The following MC2R variants were observed in gnomAD, a reference collection of about 807,000 sequenced individuals.
MC2R encodes the protein adrenocorticotropic hormone receptor.
In MC2R, 9 loss-of-function variants were observed where a neutral mutation model predicts 9.8. The observed-to-expected ratio is 0.92, with a 90% CI of 0.55 to 1.60. MC2R has a LOEUF of 1.60. Ranked by LOEUF, MC2R falls within the 40% of genes most tolerant of loss-of-function variation. The probability of loss-of-function intolerance (pLI) is 0.00; values close to 1 mark genes in which losing one functional copy is unlikely to be tolerated. For missense variants in MC2R, 370 were observed against 389.0 expected (o/e 0.95, Z 0.41); for synonymous variants, 185 against 154.7 (o/e 1.20, Z -1.45).
At chr18:13,911,273 C>A (rs1346117082) in intron 1 of MC2R, among the ~76,000 whole-genome samples, 1 of 152,160 alleles carries the variant, frequency 6.6e-6, no homozygotes, top group East Asian at 1.9e-4. Context: ...CCTGGAGCTC[C>A]CTTTTTATTA....
chr18:13,895,245 A>G (rs1336641272), intron 1 of MC2R, among the ~76,000 whole-genome samples: 1 of 152,252 alleles, frequency 6.6e-6, no homozygotes, highest in Non-Finnish European at 1.5e-5. Context: ...TAATTTCATC[A>G]TATATCAGAG....
At chr18:13,910,073 C>T (rs375116694) in intron 1 of MC2R, among the ~76,000 whole-genome samples, 13 of 152,258 alleles carry the variant, frequency 8.5e-5, no homozygotes, top group African/African-American at 3.1e-4. Context: ...GGTCTATGAT[C>T]ATTTGGCGTT....
chr18:13,906,857 G>A (rs989427211), intron 1 of MC2R, among the ~76,000 whole-genome samples: 1 of 152,104 alleles, frequency 6.6e-6, no homozygotes, highest in Middle Eastern at 3.2e-3. Context: ...ATAAAACACT[G>A]ATGAAAGAAG....
chr18:13,912,170 A>G lies in MC2R; in HGVS notation c.-129+3318T>C, dbSNP rs574578318. Among the ~76,000 whole-genome samples, 3 of 152,260 alleles carry G rather than the reference A, an allele frequency of 2.0e-5. No individual in the cohort carries two copies. In the East Asian group the frequency reaches 5.8e-4, roughly 29 times the overall value. On this transcript the variant is annotated intron_variant, in intron 1 of 1. Coordinates refer to ENST00000327606, the MANE Select transcript of MC2R (RefSeq NM_000529.2). ...CTTACAATTCTGCACTTTAAGGGCA[A>G]TTTGATTTTGCCATGGTTTCTCTTG...
chr18:13,896,074 C>T (rs941113604), intron 1 of MC2R, among the ~76,000 whole-genome samples: 2 of 152,114 alleles, frequency 1.3e-5, no homozygotes, highest in Non-Finnish European at 2.9e-5. Context: ...TGGAGCAACT[C>T]ATATTGGTTA....
chr18:13,904,846 T>C (rs1293823687), intron 1 of MC2R, among the ~76,000 whole-genome samples: 2 of 152,130 alleles, frequency 1.3e-5, no homozygotes, highest in East Asian at 1.9e-4. Context: ...GCTAGCCATA[T>C]GCAAAAAAAC....
At chr18:13,885,735 C>T (rs1051580413) in intron 1 of MC2R, 89 bp from the exon 2 acceptor site, 2 of 570,460 alleles carry the variant, frequency 3.5e-6, no homozygotes, top group African/African-American at 3.8e-5. Flanking sequence ...CTATTCCCTC[C>T]ATAAAATATA....
intron 1 of MC2R, among the ~76,000 whole-genome samples, chr18:13,909,849 T>A (rs11080700): frequency 0.51 from 78,149 of 152,038 alleles, 21,015 homozygotes; most frequent in African/African-American, 0.67. Flanking sequence ...CCCTGATTTC[T>A]TCCAGTGCAG....
At chr18:13,902,263 G>T (rs966655089) in intron 1 of MC2R, among the ~76,000 whole-genome samples, 2 of 151,910 alleles carry the variant, frequency 1.3e-5, no homozygotes, top group African/African-American at 2.4e-5. Flanking sequence ...CATAATAAAA[G>T]CTATACACAA....
intron 1 of MC2R, among the ~76,000 whole-genome samples, chr18:13,897,425 A>G (rs1372489027): frequency 6.6e-6 from 1 of 152,146 alleles, no homozygotes; most frequent in African/African-American, 2.4e-5. Context: ...TAAACTTGAA[A>G]AGGCAGTCTA....
intron 1 of MC2R, among the ~76,000 whole-genome samples, chr18:13,912,566 A>G (rs2045450683): frequency 6.6e-6 from 1 of 152,218 alleles, no homozygotes; most frequent in South Asian, 2.1e-4. Flanking sequence ...AAACAAAATA[A>G]CAACATAGCA....
At position 13,885,043 on chromosome 18, in the gene MC2R, G is replaced by T. The variant is rs371900069; in HGVS notation, c.476C>A (p.Thr159Lys). The T allele has an allele frequency of 1.9e-6, 3 of 1,614,042 alleles. No individual in the cohort carries two copies. Among genetic ancestry groups the T allele is most frequent in the African/African-American group, 1.3e-5 (1 of 74,910 alleles). ...GATCACCATGGTGATGCCAGTCCCCGTGCAGAACGTCCAGATGACCGTAAG... is the reference window on the plus strand; with the variant it reads ...GATCACCATGGTGATGCCAGTCCCCTTGCAGAACGTCCAGATGACCGTAAG... The part of the protein sequence containing the change: ...VVLTVIWTFC[T>K]GTGITMVIFS... The change falls in exon 2 of 2, where the codon ACG becomes AAG. Residue 159 changes from threonine to lysine, a missense_variant. Coordinates refer to ENST00000327606, the MANE Select transcript of MC2R (RefSeq NM_000529.2).
At chr18:13,897,295 C>A (rs1166007802) in intron 1 of MC2R, among the ~76,000 whole-genome samples, 3 of 152,164 alleles carry the variant, frequency 2.0e-5, no homozygotes, top group Non-Finnish European at 4.4e-5. Flanking sequence ...CGGCTGACAC[C>A]CAGCCACGGA....
intron 1 of MC2R, among the ~76,000 whole-genome samples, chr18:13,888,990 G>T (rs1202188536): frequency 6.6e-6 from 1 of 152,132 alleles, no homozygotes; most frequent in African/African-American, 2.4e-5. Context: ...AAACAACACA[G>T]GTCTAGAGCC....
At chr18:13,905,526 C>A (rs896328252) in intron 1 of MC2R, among the ~76,000 whole-genome samples, 1 of 150,562 alleles carries the variant, frequency 6.6e-6, no homozygotes. Context: ...CAGAGAAATG[C>A]AAATCAAAAC....
At chr18:13,913,563 C>T (rs1040581931) in intron 1 of MC2R, among the ~76,000 whole-genome samples, 1 of 152,194 alleles carries the variant, frequency 6.6e-6, no homozygotes, top group Non-Finnish European at 1.5e-5. Flanking sequence ...TGTACCCTGG[C>T]GGCTCATAGT....
chr18:13,911,490 A>T (rs949503330), intron 1 of MC2R, among the ~76,000 whole-genome samples: 4 of 152,218 alleles, frequency 2.6e-5, no homozygotes, highest in Non-Finnish European at 5.9e-5. Context: ...TTTCTCCCAG[A>T]TGAAGGCTTT....
chr18:13,908,709 TG>T (rs35789710), intron 1 of MC2R, among the ~76,000 whole-genome samples: 1 of 16,976 alleles, frequency 5.9e-5, no homozygotes, highest in South Asian at 1.2e-3. Context: ...GAGCTTCTTG[TG>T]TGTGTGTGTG....
At chr18:13,912,663 G>T (rs7226699) in intron 1 of MC2R, among the ~76,000 whole-genome samples, 79,668 of 152,072 alleles carry the variant, frequency 0.52, 22,042 homozygotes, top group African/African-American at 0.71. Flanking sequence ...GAATTTCTAC[G>T]TTGTTTTCTG....
Sources: gnomAD v4.1 joint callset for allele counts (sites outside exome capture counted in the v4.1 genomes callset) on GRCh38, gnomAD v4.1.1 for gene constraint, MANE v1.5 for transcripts, NCBI Gene and HGNC (gene_info 2026-07-23, HGNC 2026-07-21) for gene names.